The following C1GALT1 variants were observed in gnomAD, a reference collection of about 807,000 sequenced individuals.
C1GALT1 encodes the protein glycoprotein-N-acetylgalactosamine 3-beta-galactosyltransferase 1.
Under a neutral mutation model 31.0 loss-of-function variants are expected in C1GALT1, and 11 were observed. The ratio of observed to expected loss-of-function variants is 0.36; its 90% confidence interval spans 0.22 to 0.59. The LOEUF (loss-of-function observed/expected upper bound fraction) is 0.59, where lower values mean the gene tolerates loss of function less well. C1GALT1 is among the 20% of genes least tolerant of loss of function. The probability of loss-of-function intolerance (pLI) is 0.79; values close to 1 mark genes in which losing one functional copy is unlikely to be tolerated. For missense variants in C1GALT1, 424 were observed against 425.2 expected (o/e 1.00, Z 0.03); for synonymous variants, 175 against 143.6 (o/e 1.22, Z -1.56).
intron 2 of C1GALT1, among the ~76,000 whole-genome samples, chr7:7,176,944 C>T (rs1035590101): frequency 1.3e-5 from 2 of 152,142 alleles, no homozygotes; most frequent in African/African-American, 2.4e-5. Context: ...TTCCTGGTGT[C>T]CATTTTTCAC....
intron 1 of C1GALT1, among the ~76,000 whole-genome samples, chr7:7,232,396 C>T (rs1164919822): frequency 1.3e-5 from 2 of 152,032 alleles, no homozygotes; most frequent in African/African-American, 4.8e-5. Context: ...GGTTATATTT[C>T]CCAGACCTCT....
At chr7:7,168,740 T>C (rs771539580) in intron 2 of C1GALT1, among the ~76,000 whole-genome samples, 3 of 152,256 alleles carry the variant, frequency 2.0e-5, no homozygotes, top group African/African-American at 7.2e-5. Flanking sequence ...ATTGTCTACC[T>C]ACAAATAATT....
chr7:7,243,070 G>A (rs1189601897), intron 3 of C1GALT1, among the ~76,000 whole-genome samples: 3 of 152,044 alleles, frequency 2.0e-5, no homozygotes, highest in Non-Finnish European at 4.4e-5. Flanking sequence ...AAGTGTATTG[G>A]GTTGTAGACA....
chr7:7,183,155 C>T (rs573834906), intron 1 of C1GALT1, among the ~76,000 whole-genome samples: 1 of 151,746 alleles, frequency 6.6e-6, no homozygotes, highest in East Asian at 2.0e-4. Flanking sequence ...GGCGGCGCGG[C>T]GGGGCGCGCA....
At chr7:7,192,756 T>C (rs2128232440) in intron 1 of C1GALT1, among the ~76,000 whole-genome samples, 1 of 152,314 alleles carries the variant, frequency 6.6e-6, no homozygotes, top group East Asian at 1.9e-4. Flanking sequence ...GTTATACTAG[T>C]TTACATTCCC....
chr7:7,208,767 A>G (rs751890343), intron 1 of C1GALT1, among the ~76,000 whole-genome samples: 12 of 152,170 alleles, frequency 7.9e-5, no homozygotes, highest in Non-Finnish European at 1.3e-4. Flanking sequence ...TGCCCACCCT[A>G]ACTCCCACAG....
At chr7:7,200,449 C>A (rs769333293) in intron 1 of C1GALT1, among the ~76,000 whole-genome samples, 2 of 151,110 alleles carry the variant, frequency 1.3e-5, no homozygotes, top group Non-Finnish European at 3.0e-5. Context: ...AGTAACCTGA[C>A]CTTTCAGTCT....
intron 3 of C1GALT1, among the ~76,000 whole-genome samples, chr7:7,241,923 T>C (rs1243458803): frequency 6.6e-6 from 1 of 151,998 alleles, no homozygotes; most frequent in Non-Finnish European, 1.5e-5. Flanking sequence ...ATTAATGCAG[T>C]AAATCTTATC....
In C1GALT1 at chr7:7,214,981, G is replaced by T. The variant is rs10464397; in HGVS notation, c.-17-19322G>T. On this transcript the variant is annotated intron_variant, in intron 1 of 3. Coordinates refer to ENST00000436587, the MANE Select transcript of C1GALT1 (RefSeq NM_020156.5). Reference sequence around the variant, plus strand: ...TATTTTGTAAACCCTGCCTCTGATGGATCAGCTGGTACCATCCAGGTTGAC... The same window carrying T: ...TATTTTGTAAACCCTGCCTCTGATGTATCAGCTGGTACCATCCAGGTTGAC... Among the ~76,000 whole-genome samples the T allele has an allele frequency of 7.9e-4, 121 of 152,280 alleles. 1 individual carries two copies. The East Asian group carries it at 0.017, about 22-fold the overall frequency.
intron 2 of C1GALT1, among the ~76,000 whole-genome samples, chr7:7,161,014 G>A (rs1780328036): frequency 6.6e-6 from 1 of 152,046 alleles, no homozygotes; most frequent in African/African-American, 2.4e-5. Context: ...ATAATAGGCA[G>A]TAACTTCCAG....
intron 1 of C1GALT1, among the ~76,000 whole-genome samples, chr7:7,201,611 C>T (rs994609277): frequency 1.3e-5 from 2 of 152,158 alleles, no homozygotes; most frequent in African/African-American, 4.8e-5. Flanking sequence ...GGGGGAAAGC[C>T]GGCAGTAACA....
intron 1 of C1GALT1, among the ~76,000 whole-genome samples, chr7:7,233,309 G>T (rs1253361660): frequency 6.6e-6 from 1 of 151,996 alleles, no homozygotes; most frequent in African/African-American, 2.4e-5. Context: ...TTTTGCCCAG[G>T]CTGGAGTTGA....
chr7:7,222,227 T>G (rs1222969570), intron 1 of C1GALT1, among the ~76,000 whole-genome samples: 1 of 152,278 alleles, frequency 6.6e-6, no homozygotes, highest in Non-Finnish European at 1.5e-5. Flanking sequence ...TTTTCTATGC[T>G]GTTCTTTGGG....
intron 1 of C1GALT1, 137 bp downstream of exon 1, chr7:7,182,957 C>G: frequency 1.7e-6 from 1 of 581,648 alleles, no homozygotes; most frequent in Non-Finnish European, 2.2e-6. Context: ...GTCTCGGGGT[C>G]AAAGCCGGGC....
rs1436168156 is a variant in C1GALT1, at chr7:7,243,710, A to AAGTT, written c.1078_1081dup (p.Gly361ValfsTer11). Reference sequence around the variant, plus strand: ...AAACAAAAATGAAGATACAAAAGTGAAGTTAGGAAATCCTTGAAAGAAAAT... The same window carrying AAGTT: ...AAACAAAAATGAAGATACAAAAGTGAAGTTAGTTAGGAAATCCTTGAAAGAAAAT... On this transcript the variant is annotated frameshift_variant, in exon 4 of 4. Transcript: ENST00000436587. LOFTEE classifies it high-confidence loss of function. 1.2e-6 allele frequency: 2 copies of AAGTT among 1,603,090 alleles called. No individual in the cohort carries two copies. The highest frequency in any genetic ancestry group is 2.7e-5 in the African/African-American group (2 of 74,344).
rs1783739720 is a variant in C1GALT1, at chr7:7,243,845, T to C, written c.*118T>C. ...AGGAATTCTAAGTGAACATTCCTTA[T>C]AGAAACCTTTCACATGAATGACTAT... On this transcript the variant is annotated 3_prime_UTR_variant, in exon 4 of 4. Coordinates refer to ENST00000436587, the MANE Select transcript of C1GALT1 (RefSeq NM_020156.5). The C allele has an allele frequency of 4.2e-6, 3 of 710,896 alleles. No individual in the cohort carries two copies. Among genetic ancestry groups the C allele is most frequent in the Middle Eastern group, 4.0e-4 (1 of 2,480 alleles). 44.0% of individuals were successfully genotyped at this position (710,896 alleles called of 1,614,324 possible).
At chr7:7,167,376 G>A (rs1037774525) in intron 2 of C1GALT1, among the ~76,000 whole-genome samples, 1 of 152,038 alleles carries the variant, frequency 6.6e-6, no homozygotes, top group Non-Finnish European at 1.5e-5. Flanking sequence ...GGATAAAATA[G>A]TGTATTAAGA....
intron 1 of C1GALT1, among the ~76,000 whole-genome samples, chr7:7,198,386 C>G (rs539800011): frequency 6.6e-6 from 1 of 152,314 alleles, no homozygotes; most frequent in African/African-American, 2.4e-5. Context: ...ATGAAGCCAA[C>G]TTGATTGTGG....
rs747057464 is a variant in C1GALT1 at position 7,238,443 on chromosome 7, A to G, written c.409A>G (p.Lys137Glu). The G allele has an allele frequency of 5.0e-6, 8 of 1,613,918 alleles. No individual in the cohort carries two copies. Among genetic ancestry groups the G allele is most frequent in the South Asian group, 1.1e-5 (1 of 91,050 alleles). Residue 137 changes from lysine (K) to glutamate (E), a missense_variant, in exon 3 of 4, where the codon AAA (lysine) becomes GAA (glutamate). This residue lies in a region of C1GALT1 where 189 missense variants were observed against 158.2 expected (regional missense o/e 1.19). Coordinates refer to ENST00000436587, the MANE Select transcript of C1GALT1 (RefSeq NM_020156.5). This position sits in a 1 kb window ranked among gnomAD's most constrained non-coding sequence, Gnocchi z 5.2. The stretch of plus-strand genomic sequence containing the variant: ...CTTCCCTGCTGTGGGACTGAAAACC[A>G]AAGAAGGCAGAGATCAACTATACTG... ...KDFPAVGLKT[K>E]EGRDQLYWKT...
Sources: allele counts gnomAD v4.1 joint callset (sites outside exome capture counted in the v4.1 genomes callset), GRCh38; gene constraint gnomAD v4.1.1; regional missense constraint gnomAD v4.1.1; non-coding constraint Gnocchi (gnomAD v3.1); transcripts MANE v1.5; gene names NCBI Gene and HGNC (gene_info 2026-07-23, HGNC 2026-07-21).